GRM6: variants seen among roughly 807,000 people sequenced by gnomAD.
GRM6 encodes metabotropic glutamate receptor 6.
GRM6 carries 73 observed loss-of-function variants against 78.4 expected under a neutral mutation model. The ratio of observed to expected loss-of-function variants is 0.93; its 90% CI spans 0.77 to 1.13. GRM6 has a LOEUF of 1.13. Among genes scored for constraint, GRM6 ranks in the 50% most tolerant of loss-of-function variants. The pLI is 0.00. For synonymous variants in GRM6, 580 were observed against 555.0 expected, an observed-to-expected ratio of 1.05 and a Z score of -0.63; for missense variants, 1,251 against 1,256.4, an observed-to-expected ratio of 1.00 and a Z score of 0.07.
rs748405613 is a variant in GRM6, at chr5:178,991,843, G to C, written c.721+24C>G. 1 of 1,591,878 alleles carries C rather than the reference G, an allele frequency of 6.3e-7. No homozygotes were observed. The highest frequency in any genetic ancestry group is 2.2e-5 in the East Asian group (1 of 44,558). Reference sequence around the variant, plus strand: ...CGGGCCCACACTATGTAGACTCCTTGGTGCCTCGGAGCCCCCAGCTCACCA... The same window carrying C: ...CGGGCCCACACTATGTAGACTCCTTCGTGCCTCGGAGCCCCCAGCTCACCA... On this transcript the variant is annotated intron_variant, in intron 3 of 10. Coordinates refer to ENST00000517717, the MANE Select transcript of GRM6 (RefSeq NM_000843.4). The surrounding 1 kb of genome is among the most constrained non-coding windows in gnomAD (Gnocchi z 5.0).
chr5:178,981,138 C>T lies in GRM6; in HGVS notation c.*519G>A, dbSNP rs150444720. On this transcript the variant is annotated 3_prime_UTR_variant, in exon 11 of 11. Coordinates refer to ENST00000517717, the MANE Select transcript of GRM6 (RefSeq NM_000843.4). The surrounding 1 kb of genome is among the most constrained non-coding windows in gnomAD (Gnocchi z 5.1). Reference sequence around the variant, plus strand: ...GGGTCTCACCCAGGGTCTCTCCCTCCGTGCCAGAGGAATCCTACCCAGGCC... The same window carrying T: ...GGGTCTCACCCAGGGTCTCTCCCTCTGTGCCAGAGGAATCCTACCCAGGCC... 4.2e-5 allele frequency: 7 copies of T among 166,000 alleles called. No homozygotes were observed. Among genetic ancestry groups the T allele is most frequent in the South Asian group, 3.3e-4 (2 of 6,064 alleles). The allele number at this position is 166,000 out of a possible 1,614,324, so 10.3% of individuals were successfully genotyped here.
chr5:178,989,363 C>A lies in GRM6; in HGVS notation c.1055G>T (p.Arg352Leu), dbSNP rs752378620. 3 of 1,613,742 alleles carry A rather than the reference C, an allele frequency of 1.9e-6. No homozygotes were observed. Among genetic ancestry groups the A allele is most frequent in the South Asian group, 1.1e-5 (1 of 91,080 alleles). The change falls in exon 6 of 11, where the codon CGC (arginine) becomes CTC (leucine). Residue 352 changes from arginine (R) to leucine (L), a missense_variant. Arg to Leu is a moderately radical substitution (Grantham distance 102, BLOSUM62 -2). Coordinates refer to ENST00000517717, the MANE Select transcript of GRM6 (RefSeq NM_000843.4). ...YFMTRSLENNRRNIWFAEFWE... is the reference protein window; with the variant it reads ...YFMTRSLENNLRNIWFAEFWE... ...GAACTCGGCGAACCAGATGTTCCTGCGGTTGTTCTCCAGGGATCGAGTCAT... is the reference window on the plus strand; with the variant it reads ...GAACTCGGCGAACCAGATGTTCCTGAGGTTGTTCTCCAGGGATCGAGTCAT...
Position 178,983,019 on chromosome 5 carries a change from G to A in GRM6, c.2327C>T (p.Pro776Leu). 6.2e-7 allele frequency: 1 copy of A among 1,614,094 alleles called. No homozygotes were observed. Among genetic ancestry groups the A allele is most frequent in the Non-Finnish European group, 8.5e-7 (1 of 1,179,912 alleles). The change falls in exon 10 of 11, where the codon CCC (proline) becomes CTC (leucine). Residue 776 changes from proline (P) to leucine (L), a missense_variant. Physicochemically the swap from Pro to Leu is moderately conservative, Grantham distance 98 (BLOSUM62 -3). Coordinates refer to ENST00000517717, the MANE Select transcript of GRM6 (RefSeq NM_000843.4). The stretch of plus-strand genomic sequence containing the variant: ...GGGCTTGGCCTCGTTGAAGGTCTCG[G>A]GCACGCCACGGGCCTTGATGGCGTA... ...TVYAIKARGV[P>L]ETFNEAKPIG... is the part of the protein sequence containing the mutation.
At chr5:178,985,632 G>A (rs566977935) in intron 9 of GRM6, 122 of 375,022 alleles carry the variant, frequency 3.3e-4, no homozygotes, top group South Asian at 2.3e-3. Context: ...GAACCCGGAA[G>A]GCAGAGCTTG....
Position 178,992,420 on chromosome 5 carries a change from A to T in GRM6, c.505-337T>A, listed in dbSNP as rs1271148839. 3 of 437,942 alleles carry T rather than the reference A, an allele frequency of 6.9e-6. No individual in the cohort carries two copies. The highest frequency in any genetic ancestry group is 1.3e-5 in the Non-Finnish European group (3 of 222,346). The allele number at this position is 437,942 out of a possible 1,614,324, so 27.1% of individuals were successfully genotyped here. A position where few individuals can be genotyped will look rare whatever the true frequency, so the allele number is the denominator to read the frequency against. On this transcript the variant is annotated intron_variant, in intron 2 of 10. Transcript: ENST00000517717. This position sits in a 1 kb window ranked among gnomAD's most constrained non-coding sequence, Gnocchi z 4.9. ...ACCCCCAGCAGAGGGCCTGCAGCCC[A>T]TCCAGCTGCATCTGCCTGTCCTAGT... is the stretch of plus-strand genomic sequence containing the variant.
At position 178,981,687 on chromosome 5, in the gene GRM6, G is replaced by A. The variant is rs757869570; in HGVS notation, c.2604C>T (p.Pro868=). ...LKATSTVAAP[P]KGEDAEAHK ...TGTGGGCCTCTGCATCCTCGCCCTT[G>A]GGTGGGGCTGCCACCGTGGAGGTGG... The change falls in exon 11 of 11, where the codon CCC becomes CCT. Residue 868 remains proline (P), a synonymous_variant. Transcript: ENST00000517717. The surrounding 1 kb of genome is among the most constrained non-coding windows in gnomAD (Gnocchi z 5.1). The A allele has an allele frequency of 6.2e-6, 10 of 1,613,998 alleles. No homozygotes were observed. The highest frequency in any genetic ancestry group is 2.2e-5 in the East Asian group (1 of 44,872).
Position 178,985,657 on chromosome 5 carries a change from A to T in GRM6, c.2124+473T>A, listed in dbSNP as rs189243348. On this transcript the variant is annotated intron_variant, in intron 9 of 10. Coordinates refer to ENST00000517717, the MANE Select transcript of GRM6 (RefSeq NM_000843.4). ...GGCAGAGCTTGCAGGGAGCTGAGAT[A>T]GTGCCACTGCACTCCAGCCTGGGCG... The T allele has an allele frequency of 3.5e-4, 137 of 390,490 alleles. 2 individuals carry two copies. Among genetic ancestry groups the T allele is most frequent in the Admixed American group, 1.5e-3 (45 of 30,308 alleles). 24.2% of individuals were successfully genotyped at this position (390,490 alleles called of 1,614,324 possible). A position where few individuals can be genotyped will look rare whatever the true frequency, so the allele number is the denominator to read the frequency against.
chr5:178,985,688 G>T, intron 9 of GRM6: 1 of 396,040 alleles, frequency 2.5e-6, no homozygotes, highest in South Asian at 1.8e-5. Context: ...GGGCGACACA[G>T]CGAGACTCTG....
chr5:178,991,522 C>T lies in GRM6; in HGVS notation c.759G>A (p.Arg253=). The T allele has an allele frequency of 6.2e-7, 1 of 1,613,878 alleles. No individual in the cohort carries two copies. Among genetic ancestry groups the T allele is most frequent in the Non-Finnish European group, 8.5e-7 (1 of 1,179,912 alleles). The stretch of plus-strand genomic sequence containing the variant: ...TGCTGAACTCTCCTGGCTTTGGTTC[C>T]CTGGGAATCTTGATAGACTGGGCAA... ...VCIAQSIKIP[R]EPKPGEFSKV... Residue 253 remains arginine, a synonymous_variant, in exon 4 of 11, where the codon AGG becomes AGA. Transcript: ENST00000517717. The surrounding 1 kb of genome is among the most constrained non-coding windows in gnomAD (Gnocchi z 5.0).
chr5:178,990,716 G>A lies in GRM6; in HGVS notation c.888C>T (p.Asn296=), dbSNP rs1231359659. 1 of 1,583,538 alleles carries A rather than the reference G, an allele frequency of 6.3e-7. No individual in the cohort carries two copies. The change falls in exon 5 of 11, where the codon AAC becomes AAT. Residue 296 remains asparagine (N), a synonymous_variant. Coordinates refer to ENST00000517717, the MANE Select transcript of GRM6 (RefSeq NM_000843.4). The part of the protein sequence containing the change: ...RRVLEAARQA[N]LTGHFLWVGS... Reference sequence around the variant, plus strand: ...CGACCCACAGGAAGTGGCCGGTCAGGTTGGCCTGGCGAGCTGCCTCCAGGA... The same window carrying A: ...CGACCCACAGGAAGTGGCCGGTCAGATTGGCCTGGCGAGCTGCCTCCAGGA...
In GRM6 at chr5:178,979,733, GC is replaced by G. The variant is rs1561713799; in HGVS notation, c.*1923del. 1 of 152,242 alleles carries G rather than the reference GC, an allele frequency of 6.6e-6. No individual in the cohort carries two copies. Among genetic ancestry groups the G allele is most frequent in the Non-Finnish European group, 1.5e-5 (1 of 68,038 alleles). The allele number at this position is 152,242 out of a possible 1,614,324, so 9.4% of individuals were successfully genotyped here. ...ACTGTGGAAAAGTTTTCAGCTAGAA[GC>G]CAGAGCGCACTGCACACCAAAGAAT... On this transcript the variant is annotated 3_prime_UTR_variant, in exon 11 of 11. Coordinates refer to ENST00000517717, the MANE Select transcript of GRM6 (RefSeq NM_000843.4).
chr5:178,993,815 C>T (rs1029369926), intron 2 of GRM6, among the ~76,000 whole-genome samples: 4 of 152,168 alleles, frequency 2.6e-5, no homozygotes, highest in African/African-American at 7.2e-5. Flanking sequence ...AGGGCCAGCC[C>T]GGGCACCTGC....
At position 178,992,998 on chromosome 5, in the gene GRM6, C is replaced by T. The variant is rs1760709000; in HGVS notation, c.505-915G>A. Among the ~76,000 whole-genome samples the T allele has an allele frequency of 6.6e-6, 1 of 152,120 alleles. No homozygotes were observed. The highest frequency in any genetic ancestry group is 2.4e-5 in the African/African-American group (1 of 41,422). On this transcript the variant is annotated intron_variant, in intron 2 of 10. Coordinates refer to ENST00000517717, the MANE Select transcript of GRM6 (RefSeq NM_000843.4). This position sits in a 1 kb window ranked among gnomAD's most constrained non-coding sequence, Gnocchi z 4.9. ...CAGCTCAGTGAATAATGCTGTGGTC[C>T]TCCCAGCTCTCCTGGACACTTGAGT...
intron 7 of GRM6, 108 bp from the exon 8 acceptor site, chr5:178,987,091 CT>C: frequency 2.6e-6 from 3 of 1,160,228 alleles, no homozygotes; most frequent in Non-Finnish European, 3.8e-6. Flanking sequence ...ACAAGCATCA[CT>C]GCTCATAAGG....
chr5:178,983,567 T>C, intron 9 of GRM6: 2 of 462,022 alleles, frequency 4.3e-6, no homozygotes, highest in Non-Finnish European at 8.5e-6. Context: ...ACTGCGCCCC[T>C]TCAAGGTAGA....
In GRM6 at chr5:178,989,054, G is replaced by T. The variant is rs2113336097; in HGVS notation, c.1235C>A (p.Ala412Asp). ...QFVIDAVYAI[A>D]HALHSMHQAL... ...CTGGTGCATGCTGTGGAGGGCGTGG[G>T]CAATGGCGTACACCGCATCAATCAC... The change falls in exon 7 of 11, where the codon GCC becomes GAC. Residue 412 changes from alanine (A) to aspartate (D), a missense_variant. By Grantham distance (126) the Ala-to-Asp change is moderately radical (BLOSUM62 -2). Coordinates refer to ENST00000517717, the MANE Select transcript of GRM6 (RefSeq NM_000843.4). 1 of 1,614,028 alleles carries T rather than the reference G, an allele frequency of 6.2e-7. No individual in the cohort carries two copies. Among genetic ancestry groups the T allele is most frequent in the East Asian group, 2.2e-5 (1 of 44,856 alleles).
intron 9 of GRM6, chr5:178,985,573 GGC>G (rs1260619655): frequency 3.0e-6 from 1 of 338,772 alleles, no homozygotes; most frequent in Non-Finnish European, 5.8e-6. Flanking sequence ...CGTGGTGGCG[GGC>G]GCCTGTAGTC....
intron 2 of GRM6, among the ~76,000 whole-genome samples, chr5:178,994,061 A>AGC (rs139838192): frequency 0.01 from 1,579 of 152,292 alleles, 18 homozygotes; most frequent in South Asian, 0.016. Flanking sequence ...ATATCACTCG[A>AGC]GCGCTCCGCA....
chr5:178,989,220 A>ACCC, intron 6 of GRM6, 45 bp downstream of exon 6: 3 of 817,274 alleles, frequency 3.7e-6, no homozygotes, highest in African/African-American at 8.3e-5. Context: ...CACCCTCACC[A>ACCC]CCCTCCCCAC....
Sources: gnomAD v4.1 joint callset for allele counts (sites outside exome capture counted in the v4.1 genomes callset) on GRCh38, gnomAD v4.1.1 for gene constraint, Gnocchi (gnomAD v3.1) non-coding constraint, MANE v1.5 for transcripts, NCBI Gene and HGNC (gene_info 2026-07-23, HGNC 2026-07-21) for gene names.